TANC1: variants seen among roughly 807,000 people sequenced by gnomAD.
The protein encoded by TANC1 is tetratricopeptide repeat, ankyrin repeat and coiled-coil containing 1.
Under a neutral mutation model 149.7 loss-of-function variants are expected in TANC1, and 77 were observed. That is an observed-to-expected ratio of 0.51 (90% CI 0.43 to 0.62). The LOEUF is 0.62. Among genes scored for constraint, TANC1 ranks in the 20% least tolerant of loss-of-function variants. The probability of loss-of-function intolerance (pLI) is 0.00; values close to 1 mark genes in which losing one functional copy is unlikely to be tolerated. For missense variants in TANC1, 1,985 were observed against 2,321.8 expected, an observed-to-expected ratio of 0.85 and a Z score of 2.98; for synonymous variants, 854 against 925.0, an observed-to-expected ratio of 0.92 and a Z score of 1.39.
chr2:159,219,117 A>G lies in TANC1; in HGVS notation c.3379-121A>G. ...TTTTCCAGGCCCCATGGTTCACACA[A>G]CTTACAGATTTTTGAAAGAAAGTCA... On this transcript the variant is annotated intron_variant, in intron 20 of 26. Transcript: ENST00000263635. 3.0e-6 allele frequency: 4 copies of G among 1,346,798 alleles called. No homozygotes were observed. The South Asian group carries it at 3.7e-5, about 13-fold the overall frequency. 83.4% of individuals were successfully genotyped at this position (1,346,798 alleles called of 1,614,324 possible). A position where few individuals can be genotyped will look rare whatever the true frequency, so the allele number is the denominator to read the frequency against.
In TANC1 at chr2:159,096,484, C is replaced by G. The variant is rs573873028; in HGVS notation, c.62-1153C>G. Among the ~76,000 whole-genome samples the G allele has an allele frequency of 5.3e-5, 8 of 152,266 alleles. No homozygotes were observed. In the East Asian group the frequency reaches 1.3e-3, roughly 26 times the overall value. On this transcript the variant is annotated intron_variant, in intron 3 of 26. Coordinates refer to ENST00000263635, the MANE Select transcript of TANC1 (RefSeq NM_033394.3). ...CATAAATTTAATTATCTCAGCAAGG[C>G]AGTTTTTACTTTCTGCAGAAAGGGT... is the stretch of plus-strand genomic sequence containing the variant.
rs139239228 is a variant in TANC1 at position 159,103,335 on chromosome 2, C to T, written c.259+5501C>T. On this transcript the variant is annotated intron_variant, in intron 4 of 26. Coordinates refer to ENST00000263635, the MANE Select transcript of TANC1 (RefSeq NM_033394.3). The stretch of plus-strand genomic sequence containing the variant: ...TGATACATAGTGCCCACTTCCTTTC[C>T]AGAAAGGCTGTATTGATTTCATATT... Among the ~76,000 whole-genome samples the T allele has an allele frequency of 2.9e-3, 276 of 95,862 alleles. 65 individuals are homozygous for T. Among genetic ancestry groups the T allele is most frequent in the African/African-American group, 7.8e-3 (269 of 34,636 alleles). 62.9% of individuals were successfully genotyped at this position (95,862 alleles called of 152,430 possible).
At chr2:159,135,660 A>T (rs1164691337) in intron 4 of TANC1, among the ~76,000 whole-genome samples, 1 of 152,244 alleles carries the variant, frequency 6.6e-6, no homozygotes, top group African/African-American at 2.4e-5. Flanking sequence ...GTGCGTCACC[A>T]GCCAGATAAG....
At chr2:158,977,152 T>G (rs1056641394) in intron 1 of TANC1, among the ~76,000 whole-genome samples, 2 of 152,052 alleles carry the variant, frequency 1.3e-5, no homozygotes, top group African/African-American at 2.4e-5. Context: ...TTACTTTTTA[T>G]TTTTTTAGAG....
chr2:159,105,982 A>G (rs2047140352), intron 4 of TANC1, among the ~76,000 whole-genome samples: 1 of 151,186 alleles, frequency 6.6e-6, no homozygotes, highest in South Asian at 2.1e-4. Context: ...AAAAAAAAAA[A>G]CTGTTTCTGG....
Position 159,070,322 on chromosome 2 carries a change from A to AT in TANC1, c.61+4355dup, listed in dbSNP as rs1228844655. 5.3e-5 allele frequency among the ~76,000 whole-genome samples: 8 copies of AT among 151,714 alleles called. No individual in the cohort carries two copies. The East Asian group carries it at 1.4e-3, about 26-fold the overall frequency. ...CCAAAATTGGGAGGAAGGTTCAGAG[A>AT]TTTTCCCCCACACACGCATAGCTTC... On this transcript the variant is annotated intron_variant, in intron 3 of 26. Transcript: ENST00000263635.
intron 4 of TANC1, among the ~76,000 whole-genome samples, chr2:159,123,798 C>T (rs1044651431): frequency 6.6e-6 from 1 of 152,216 alleles, no homozygotes; most frequent in African/African-American, 2.4e-5. Flanking sequence ...TTCTCTTCCT[C>T]CAACTGCTTT....
chr2:159,152,515 A>C (rs2052949935), intron 7 of TANC1, among the ~76,000 whole-genome samples: 1 of 143,422 alleles, frequency 7.0e-6, no homozygotes, highest in Non-Finnish European at 1.5e-5. Context: ...TTCTTGAGAC[A>C]GGGTTTTGCT....
intron 13 of TANC1, among the ~76,000 whole-genome samples, chr2:159,178,270 G>A (rs951891842): frequency 2.0e-5 from 3 of 152,236 alleles, no homozygotes; most frequent in Admixed American, 6.5e-5. Context: ...CCCTGGCCTC[G>A]TTGCCGCTGT....
intron 4 of TANC1, among the ~76,000 whole-genome samples, chr2:159,104,981 CTTTTTTTTTTTT>C (rs146778655): frequency 1.7e-3 from 72 of 43,332 alleles, no homozygotes; most frequent in African/African-American, 4.7e-3. Flanking sequence ...TGGATATTTG[CTTTTTTTTTTTT>C]TTTTTTTTTT....
At position 159,175,339 on chromosome 2, in the gene TANC1, C is replaced by T. The variant is rs182823270; in HGVS notation, c.1735+155C>T. Reference sequence around the variant, plus strand: ...TCCGTGCCCATCCACTCCTCTTTCTCAGAACCAGCCCCATGAGGTCGCTCC... The same window carrying T: ...TCCGTGCCCATCCACTCCTCTTTCTTAGAACCAGCCCCATGAGGTCGCTCC... On this transcript the variant is annotated intron_variant, in intron 12 of 26. Transcript: ENST00000263635. 7.2e-5 allele frequency among the ~76,000 whole-genome samples: 11 copies of T among 152,250 alleles called. No homozygotes were observed. In the East Asian group the frequency reaches 2.1e-3, roughly 29 times the overall value.
At chr2:159,111,864 G>A (rs949462602) in intron 4 of TANC1, among the ~76,000 whole-genome samples, 2 of 152,196 alleles carry the variant, frequency 1.3e-5, no homozygotes, top group Admixed American at 1.3e-4. Context: ...CAGGACTTTG[G>A]ATGTAACACT....
Position 159,229,937 on chromosome 2 carries a change from C to T in TANC1, c.4511C>T (p.Pro1504Leu). 6.2e-7 allele frequency: 1 copy of T among 1,614,064 alleles called. No homozygotes were observed. The highest frequency in any genetic ancestry group is 8.5e-7 in the Non-Finnish European group (1 of 1,180,050). ...GLQSKGRPVSPQSRAGIGKSL... is the reference protein window; with the variant it reads ...GLQSKGRPVSLQSRAGIGKSL... Reference sequence around the variant, plus strand: ...CAGTCCAAAGGAAGGCCGGTATCGCCACAGAGCAGGGCAGGAATCGGCAAG... The same window carrying T: ...CAGTCCAAAGGAAGGCCGGTATCGCTACAGAGCAGGGCAGGAATCGGCAAG... Residue 1504 changes from proline (P) to leucine (L), a missense_variant, in exon 27 of 27, where the codon CCA (proline) becomes CTA (leucine). Physicochemically the swap from Pro to Leu is moderately conservative, Grantham distance 98 (BLOSUM62 -3). Transcript: ENST00000263635.
chr2:159,012,423 A>T (rs1207237887), intron 2 of TANC1, among the ~76,000 whole-genome samples: 1 of 151,210 alleles, frequency 6.6e-6, no homozygotes, highest in African/African-American at 2.4e-5. Flanking sequence ...GAACCTTAAA[A>T]TACCTTGGCA....
Position 159,136,244 on chromosome 2 carries a change from G to A in TANC1, c.310G>A (p.Ala104Thr), listed in dbSNP as rs898572511. The A allele has an allele frequency of 6.2e-7, 1 of 1,613,752 alleles. No individual in the cohort carries two copies. The highest frequency in any genetic ancestry group is 1.7e-5 in the Admixed American group (1 of 60,022). The stretch of plus-strand genomic sequence containing the variant: ...GGAAAGCCCCAGAGTGCCTGGAGAT[G>A]CAGTTATAATGCCATTCAGAGAAGT... The part of the protein sequence containing the change: ...YVESPRVPGD[A>T]VIMPFREVAK... The change falls in exon 5 of 27, where the codon GCA becomes ACA. Residue 104 changes from alanine (A) to threonine (T), a missense_variant. By Grantham distance (58) the Ala-to-Thr change is moderately conservative. This residue lies in a region of TANC1 where 557 missense variants were observed against 612.9 expected (regional missense o/e 0.91). Transcript: ENST00000263635.
At chr2:159,063,464 G>GTA (rs1161338969) in intron 2 of TANC1, among the ~76,000 whole-genome samples, 2 of 152,124 alleles carry the variant, frequency 1.3e-5, no homozygotes, top group Non-Finnish European at 2.9e-5. Context: ...AGGTGACTTT[G>GTA]TATAGCTCCA....
chr2:159,205,127 A>G (rs2058513292), intron 19 of TANC1, among the ~76,000 whole-genome samples: 1 of 152,138 alleles, frequency 6.6e-6, no homozygotes, highest in Non-Finnish European at 1.5e-5. Context: ...GTTGTATTTG[A>G]CACTTTGATG....
intron 1 of TANC1, among the ~76,000 whole-genome samples, chr2:158,983,827 T>A (rs968762864): frequency 6.6e-6 from 1 of 152,226 alleles, no homozygotes; most frequent in Admixed American, 6.5e-5. Context: ...ATTCTCCTTA[T>A]TGCCTTTGTG....
intron 4 of TANC1, among the ~76,000 whole-genome samples, chr2:159,102,047 A>G (rs1403113971): frequency 6.6e-6 from 1 of 152,142 alleles, no homozygotes; most frequent in Non-Finnish European, 1.5e-5. Flanking sequence ...CACTAAATTG[A>G]CAGGCTGTGG....
Sources: gnomAD v4.1 joint callset for allele counts (sites outside exome capture counted in the v4.1 genomes callset) on GRCh38, gnomAD v4.1.1 for gene constraint, gnomAD v4.1.1 regional missense constraint, MANE v1.5 for transcripts, NCBI Gene and HGNC (gene_info 2026-07-23, HGNC 2026-07-21) for gene names.